The following MCF2L variants were observed in gnomAD, a reference collection of about 807,000 sequenced individuals.
MCF2L encodes MCF.2 cell line derived transforming sequence like, also known as guanine nucleotide exchange factor DBS.
MCF2L carries 97 observed loss-of-function variants against 153.4 expected under a neutral mutation model. The observed-to-expected ratio is 0.63, with a 90% CI of 0.54 to 0.75. The LOEUF is 0.75. MCF2L is among the 30% of genes least tolerant of loss of function. MCF2L has a pLI of 0.00. For missense variants in MCF2L, 1,347 were observed against 1,495.2 expected (o/e 0.90, Z 1.64); for synonymous variants, 659 against 632.2 (o/e 1.04, Z -0.64).
At chr13:113,095,554 C>T (rs2035574588) in intron 27 of MCF2L, 3 of 1,010,454 alleles carry the variant, frequency 3.0e-6, no homozygotes, top group Non-Finnish European at 3.5e-6. Flanking sequence ...AGGCAGGAGC[C>T]AGTACAGGCC....
At position 113,096,936 on chromosome 13, in the gene MCF2L, C is replaced by A. The variant is rs1353743942; in HGVS notation, c.*77C>A. ...GGGAGGGCGCGGCCCCCGGACGCCC[C>A]GAGGAAGGGGCACCTCACCGCCCCC... is the stretch of plus-strand genomic sequence containing the variant. On this transcript the variant is annotated 3_prime_UTR_variant, in exon 30 of 30. Transcript: ENST00000535094. 2 of 1,078,796 alleles carry A rather than the reference C, an allele frequency of 1.9e-6. No individual in the cohort carries two copies. Among genetic ancestry groups the A allele is most frequent in the Admixed American group, 4.4e-5 (1 of 22,954 alleles). The allele number at this position is 1,078,796 out of a possible 1,614,324, so 66.8% of individuals were successfully genotyped here.
At position 113,066,111 on chromosome 13, in the gene MCF2L, T is replaced by C; in HGVS notation, c.822T>C (p.Ala274=). 1.2e-6 allele frequency: 2 copies of C among 1,613,358 alleles called. No homozygotes were observed. Among genetic ancestry groups the C allele is most frequent in the Non-Finnish European group, 1.7e-6 (2 of 1,179,966 alleles). ...SVLESLRELQ[A]EGSEPSVNQD... ...TGGAGAGCCTCAGGGAGCTGCAGGC[T>C]GAGGGCTCAGAGCCCAGTGTGAACC... The change falls in exon 8 of 30, where the codon GCT becomes GCC. Residue 274 remains alanine (A), a synonymous_variant. Transcript: ENST00000535094.
At chr13:113,086,421 C>T (rs2034645827) in intron 21 of MCF2L, among the ~76,000 whole-genome samples, 172 bp downstream of exon 21, 1 of 151,968 alleles carries the variant, frequency 6.6e-6, no homozygotes, top group Non-Finnish European at 1.5e-5. Context: ...ACAGCCGGGT[C>T]CACAGACCCC....
intron 20 of MCF2L, 74 bp downstream of exon 20, chr13:113,085,252 C>A: frequency 7.6e-7 from 1 of 1,320,164 alleles, no homozygotes; most frequent in Non-Finnish European, 1.1e-6. Flanking sequence ...CCTGGGGCCC[C>A]GTCCCCATCG....
intron 1 of MCF2L, among the ~76,000 whole-genome samples, chr13:112,994,089 C>G (rs1379543957): frequency 6.6e-6 from 1 of 152,142 alleles, no homozygotes; most frequent in East Asian, 1.9e-4. Flanking sequence ...CGGGGTGCGG[C>G]GCTTGGGACC....
chr13:113,085,285 G>A (rs2034523428), intron 20 of MCF2L, 107 bp downstream of exon 20: 3 of 878,564 alleles, frequency 3.4e-6, no homozygotes, highest in Admixed American at 2.1e-5. Context: ...CCCAGGCCAA[G>A]GGCACCTCTT....
intron 3 of MCF2L, among the ~76,000 whole-genome samples, chr13:113,038,247 C>T (rs747593891): frequency 6.6e-5 from 10 of 152,004 alleles, no homozygotes; most frequent in African/African-American, 2.4e-5. Flanking sequence ...GGGTGGATCA[C>T]GAGGTCAGGA....
At chr13:112,950,958 A>T (rs1366914151) in intron 2 of MCF2L, among the ~76,000 whole-genome samples, 1 of 152,226 alleles carries the variant, frequency 6.6e-6, no homozygotes, top group African/African-American at 2.4e-5. Flanking sequence ...CTACAAACTG[A>T]AGAAAATATG....
chr13:112,940,016 A>T (rs931987848), intron 2 of MCF2L, among the ~76,000 whole-genome samples: 5 of 148,636 alleles, frequency 3.4e-5, no homozygotes, highest in African/African-American at 1.2e-4. Flanking sequence ...CTTACAGGGG[A>T]TGCTTGCAGC....
At position 112,907,804 on chromosome 13, in the gene MCF2L, G is replaced by A. The variant is rs900140200; in HGVS notation, c.169+5433G>A. 6.6e-5 allele frequency among the ~76,000 whole-genome samples: 10 copies of A among 152,182 alleles called. No individual in the cohort carries two copies. The highest frequency in any genetic ancestry group is 1.2e-4 in the Non-Finnish European group (8 of 68,034). On this transcript the variant is annotated intron_variant, in intron 2 of 29. Transcript: ENST00000375608. This position sits in a 1 kb window ranked among gnomAD's most constrained non-coding sequence, Gnocchi z 5.1. ...GCAGAAAACAGCTCTGAGAAAAGGC[G>A]ATCTCAGCAGCACGCCGTGTTAAAG...
chr13:112,944,914 T>G (rs2140684491), intron 2 of MCF2L, among the ~76,000 whole-genome samples: 1 of 152,284 alleles, frequency 6.6e-6, no homozygotes, highest in African/African-American at 2.4e-5. Flanking sequence ...GGCCCAGTGT[T>G]CATGGTGTCC....
At chr13:113,083,052 C>T (rs2034302206) in intron 17 of MCF2L, among the ~76,000 whole-genome samples, 1 of 152,242 alleles carries the variant, frequency 6.6e-6, no homozygotes, top group South Asian at 2.1e-4. Context: ...CGTGGCCTCT[C>T]CAGTGCAGGT....
rs1411476788 is a variant in MCF2L at position 113,019,075 on chromosome 13, C to T, written c.163+4229C>T. Among the ~76,000 whole-genome samples, 3 of 152,344 alleles carry T rather than the reference C, an allele frequency of 2.0e-5. 1 individual carries two copies. The highest frequency in any genetic ancestry group is 7.2e-5 in the African/African-American group (3 of 41,578). ...GGAGACCTTCGTCTCTTCTCCTTTC[C>T]TCACCTTCCCCAAGCGCTCGCTGCA... On this transcript the variant is annotated intron_variant, in intron 2 of 29. Coordinates refer to ENST00000535094, the MANE Select transcript of MCF2L (RefSeq NM_001112732.3).
chr13:113,077,099 G>A lies in MCF2L; in HGVS notation c.1548G>A (p.Val516=), dbSNP rs1334987585. Residue 516 remains valine (V), a synonymous_variant, in exon 13 of 30, where the codon GTG becomes GTA. Transcript: ENST00000535094. ...VFQKQASMEE[V]FHRRQASLKK... is the part of the protein sequence containing the mutation. Reference sequence around the variant, plus strand: ...AGAAGCAGGCAAGCATGGAGGAGGTGTTCCACCGCAGGCAGGCCAGCCTGA... The same window carrying A: ...AGAAGCAGGCAAGCATGGAGGAGGTATTCCACCGCAGGCAGGCCAGCCTGA... The A allele has an allele frequency of 2.5e-6, 4 of 1,612,810 alleles. No homozygotes were observed. In the African/African-American group the frequency reaches 5.3e-5, roughly 22 times the overall value.
intron 2 of MCF2L, among the ~76,000 whole-genome samples, chr13:112,962,863 C>T (rs180696450): frequency 9.7e-4 from 148 of 152,336 alleles, no homozygotes; most frequent in African/African-American, 3.5e-3. Flanking sequence ...GTTTGCTGAA[C>T]CCAGAATCCA....
chr13:113,016,134 G>C (rs1285897267), intron 2 of MCF2L, among the ~76,000 whole-genome samples: 1 of 152,198 alleles, frequency 6.6e-6, no homozygotes, highest in Non-Finnish European at 1.5e-5. Context: ...TCAGACGCCA[G>C]CCCAGGAGCT....
chr13:113,030,746 T>C (rs763288001), intron 3 of MCF2L, among the ~76,000 whole-genome samples: 1 of 152,186 alleles, frequency 6.6e-6, no homozygotes, highest in Non-Finnish European at 1.5e-5. Flanking sequence ...CGGCCAGGCC[T>C]TGATAGGAGC....
chr13:112,974,948 G>C (rs538725308), intron 1 of MCF2L, among the ~76,000 whole-genome samples: 1 of 152,148 alleles, frequency 6.6e-6, no homozygotes, highest in African/African-American at 2.4e-5. Context: ...TTCCTCCGCC[G>C]CCTACGACGT....
At chr13:113,023,779 GC>G (rs2085055270) in intron 2 of MCF2L, among the ~76,000 whole-genome samples, 1 of 152,202 alleles carries the variant, frequency 6.6e-6, no homozygotes. Flanking sequence ...CCTCATGGGG[GC>G]TGGGCTGGAA....
Sources: allele counts gnomAD v4.1 joint callset (sites outside exome capture counted in the v4.1 genomes callset), GRCh38; gene constraint gnomAD v4.1.1; non-coding constraint Gnocchi (gnomAD v3.1); transcripts MANE v1.5; gene names NCBI Gene and HGNC (gene_info 2026-07-23, HGNC 2026-07-21).